SAMTOR: variants seen among roughly 807,000 people sequenced by gnomAD.
The protein encoded by SAMTOR is S-adenosylmethionine sensor upstream of mTORC1.
the SAMTOR span, among the ~76,000 whole-genome samples, chr7:112,868,808 C>T: frequency 6.6e-6 from 1 of 152,316 alleles, no homozygotes; most frequent in South Asian, 2.1e-4. Context: ...TGGAATTAGG[C>T]TGTCTCCTGT....
the SAMTOR span, among the ~76,000 whole-genome samples, chr7:112,890,565 G>C: frequency 6.6e-6 from 1 of 151,942 alleles, no homozygotes; most frequent in South Asian, 2.1e-4. Context: ...GGGAAAAAAA[G>C]TAGTAAATGG....
the SAMTOR span, among the ~76,000 whole-genome samples, chr7:112,914,718 T>A: frequency 1.3e-5 from 2 of 152,192 alleles, no homozygotes; most frequent in Non-Finnish European, 2.9e-5. Context: ...AAGTATTAAA[T>A]CATTATATTT....
chr7:112,894,297 T>C, the SAMTOR span, among the ~76,000 whole-genome samples: 1 of 152,144 alleles, frequency 6.6e-6, no homozygotes, highest in African/African-American at 2.4e-5. Flanking sequence ...CTGTCTTATA[T>C]GGTTGATAAT....
At chr7:112,902,441 AAAAAAAAC>A in the SAMTOR span, among the ~76,000 whole-genome samples, 235 of 133,906 alleles carry the variant, frequency 1.8e-3, 7 homozygotes, top group South Asian at 3.2e-3. Context: ...AAAAAAAACA[AAAAAAAAC>A]AAAAAAAAAA....
At chr7:112,824,500 C>T in the SAMTOR span, among the ~76,000 whole-genome samples, 5,757 of 151,974 alleles carry the variant, frequency 0.038, 189 homozygotes, top group Admixed American at 0.085. Flanking sequence ...GTAGCTGGGA[C>T]TACAGGCACG....
At chr7:112,831,514 G>A in the SAMTOR span, among the ~76,000 whole-genome samples, 6 of 152,084 alleles carry the variant, frequency 3.9e-5, no homozygotes, top group African/African-American at 9.7e-5. Context: ...AAGTTAGCTG[G>A]GCGTGGTGGT....
chr7:112,889,665 C>T, the SAMTOR span, among the ~76,000 whole-genome samples: 4 of 152,174 alleles, frequency 2.6e-5, no homozygotes, highest in Admixed American at 2.0e-4. Context: ...ATAAAACTAT[C>T]CTGGATAAGA....
the SAMTOR span, among the ~76,000 whole-genome samples, chr7:112,895,952 G>T: frequency 6.6e-6 from 1 of 152,114 alleles, no homozygotes; most frequent in Non-Finnish European, 1.5e-5. Flanking sequence ...ATTATGTTTA[G>T]TAAATAAAAA....
At chr7:112,865,222 G>A in the SAMTOR span, among the ~76,000 whole-genome samples, 113 of 152,184 alleles carry the variant, frequency 7.4e-4, 2 homozygotes, top group South Asian at 0.014. Context: ...GCTAATATGG[G>A]AGGATCACTT....
chr7:112,911,003 A>G, the SAMTOR span, among the ~76,000 whole-genome samples: 1 of 152,196 alleles, frequency 6.6e-6, no homozygotes, highest in African/African-American at 2.4e-5. Flanking sequence ...AAGGGATCAC[A>G]GGCACTGGGG....
At chr7:112,832,178 C>A in the SAMTOR span, among the ~76,000 whole-genome samples, 10 of 151,746 alleles carry the variant, frequency 6.6e-5, no homozygotes, top group Non-Finnish European at 1.5e-4. Context: ...CGCCCAGCTA[C>A]ATTTTTTTTA....
chr7:112,831,725 A>G, the SAMTOR span, among the ~76,000 whole-genome samples: 1 of 152,220 alleles, frequency 6.6e-6, no homozygotes, highest in Non-Finnish European at 1.5e-5. Context: ...TAACTGACCC[A>G]TAGGAAATGT....
At chr7:112,902,462 C>CAAAAAAAAAAAAAAAAAAAAAAAAA in the SAMTOR span, among the ~76,000 whole-genome samples, 1 of 83,708 alleles carries the variant, frequency 1.2e-5, no homozygotes, top group East Asian at 4.3e-4. Flanking sequence ...AAAAAAAAAC[C>CAAAAAAAAAAAAAAAAAAAAAAAAA]AAAAAAGTTG....
the SAMTOR span, among the ~76,000 whole-genome samples, chr7:112,829,753 G>A: frequency 6.6e-6 from 1 of 152,114 alleles, no homozygotes; most frequent in Non-Finnish European, 1.5e-5. Flanking sequence ...TTTAGTCTAA[G>A]GCAAATTATT....
the SAMTOR span, among the ~76,000 whole-genome samples, chr7:112,935,435 A>T: frequency 6.6e-6 from 1 of 152,120 alleles, no homozygotes; most frequent in African/African-American, 2.4e-5. Context: ...TTCCCCCACA[A>T]TTCTCATTTT....
the SAMTOR span, among the ~76,000 whole-genome samples, chr7:112,823,561 C>A: frequency 2.2e-4 from 34 of 152,058 alleles, no homozygotes; most frequent in African/African-American, 8.0e-4. Context: ...TTGGTTTATC[C>A]ATATACACCT....
At chr7:112,904,214 G>A in the SAMTOR span, among the ~76,000 whole-genome samples, 1 of 152,058 alleles carries the variant, frequency 6.6e-6, no homozygotes, top group Non-Finnish European at 1.5e-5. Flanking sequence ...GCTAGAAGAT[G>A]AACTCTGCAT....
At chr7:112,933,605 T>C in the SAMTOR span, among the ~76,000 whole-genome samples, 1 of 152,326 alleles carries the variant, frequency 6.6e-6, no homozygotes, top group East Asian at 1.9e-4. Context: ...GGAATGAATG[T>C]GAAAAACAAT....
the SAMTOR span, among the ~76,000 whole-genome samples, chr7:112,849,728 G>A: frequency 6.6e-6 from 1 of 152,168 alleles, no homozygotes; most frequent in East Asian, 1.9e-4. Flanking sequence ...GATATTGGTG[G>A]TGGGTTTGTT....
Sources: gnomAD v4.1 joint callset for allele counts (sites outside exome capture counted in the v4.1 genomes callset) on GRCh38, gnomAD v4.1.1 for gene constraint, MANE v1.5 for transcripts, NCBI Gene and HGNC (gene_info 2026-07-23, HGNC 2026-07-21) for gene names.